KCNN2: variants seen among roughly 807,000 people sequenced by gnomAD.
KCNN2 encodes the protein potassium calcium-activated channel subfamily N member 2.
KCNN2 carries 24 observed loss-of-function variants against 55.5 expected under a neutral mutation model. The observed-to-expected ratio is 0.43, with a 90% CI of 0.31 to 0.61. The LOEUF (loss-of-function observed/expected upper bound fraction) is 0.61, where lower values mean the gene tolerates loss of function less well. Among genes scored for constraint, KCNN2 ranks in the 20% least tolerant of loss-of-function variants. The probability of loss-of-function intolerance (pLI) is 0.08; values close to 1 mark genes in which losing one functional copy is unlikely to be tolerated. For synonymous variants in KCNN2, 431 were observed against 336.1 expected, an observed-to-expected ratio of 1.28 and a Z score of -3.09; for missense variants, 754 against 853.6, an observed-to-expected ratio of 0.88 and a Z score of 1.45.
rs569088671 is a variant in KCNN2, at chr5:114,263,521, C to T, written c.-185+41956C>T. The stretch of plus-strand genomic sequence containing the variant: ...TCTCTCTCCTTGCCACCCTATGGAT[C>T]GGATTGCCCCCTTCAGCCTGAGTTC... On this transcript the variant is annotated intron_variant, in intron 2 of 10. Coordinates refer to the KCNN2 transcript ENST00000512097. Among the ~76,000 whole-genome samples, 209 of 151,700 alleles carry T rather than the reference C, an allele frequency of 1.4e-3. 1 individual carries two copies. The highest frequency in any genetic ancestry group is 4.9e-3 in the African/African-American group (203 of 41,332).
At chr5:114,454,274 C>T (rs1760820769) in intron 3 of KCNN2, among the ~76,000 whole-genome samples, 1 of 152,122 alleles carries the variant, frequency 6.6e-6, no homozygotes, top group Non-Finnish European at 1.5e-5. Context: ...CTGTTTCCTC[C>T]CTTCCCTTCC....
intron 1 of KCNN2, among the ~76,000 whole-genome samples, chr5:114,154,454 AC>A (rs750698102): frequency 1.4e-4 from 22 of 152,140 alleles, no homozygotes; most frequent in Non-Finnish European, 2.6e-4. Context: ...CAGGATGGAA[AC>A]CAGAGACCTC....
intron 2 of KCNN2, among the ~76,000 whole-genome samples, chr5:114,356,065 T>A (rs1757288934): frequency 6.6e-6 from 1 of 152,092 alleles, no homozygotes; most frequent in Admixed American, 6.5e-5. Flanking sequence ...TTTCTACTAA[T>A]GAGAGGCGAC....
At position 114,473,177 on chromosome 5, in the gene KCNN2, CCATATATCTTCAAAGAGAATA is replaced by C; in HGVS notation, c.1890+14_1890+34del. ...GCTGACTAAAAGAGTAAGTTACTAT[CCATATATCTTCAAAGAGAATA>C]TTATTGTGATTTTTTCAGTGTTAGG... On this transcript the variant is annotated intron_variant, in intron 5 of 7. Transcript: ENST00000673685. The C allele has an allele frequency of 4.2e-6, 6 of 1,414,920 alleles. No individual in the cohort carries two copies. Among genetic ancestry groups the C allele is most frequent in the Non-Finnish European group, 6.0e-6 (6 of 1,003,356 alleles). The allele number at this position is 1,414,920 out of a possible 1,614,324, so 87.6% of individuals were successfully genotyped here.
At chr5:114,269,206 A>T (rs1486356864) in intron 2 of KCNN2, among the ~76,000 whole-genome samples, 2 of 152,166 alleles carry the variant, frequency 1.3e-5, no homozygotes, top group African/African-American at 2.4e-5. Flanking sequence ...TCAAATACAC[A>T]GTTTCCTACT....
intron 1 of KCNN2, among the ~76,000 whole-genome samples, chr5:114,126,348 G>A (rs1426150801): frequency 1.3e-5 from 2 of 152,050 alleles, no homozygotes; most frequent in African/African-American, 4.8e-5. Context: ...TGGCTGGGGA[G>A]GCCTCAGGAA....
At chr5:114,234,020 C>T (rs188109717) in intron 2 of KCNN2, among the ~76,000 whole-genome samples, 64 of 150,066 alleles carry the variant, frequency 4.3e-4, no homozygotes, top group Non-Finnish European at 7.7e-4. Context: ...TTTAACTTGG[C>T]TCTAGCTTTT....
chr5:114,133,462 C>G (rs1752110329), intron 1 of KCNN2, among the ~76,000 whole-genome samples: 1 of 152,076 alleles, frequency 6.6e-6, no homozygotes, highest in Admixed American at 6.6e-5. Context: ...GTTTGGGGAA[C>G]AAAAAGTCAG....
intron 1 of KCNN2, among the ~76,000 whole-genome samples, chr5:114,147,199 G>A (rs149977126): frequency 0.031 from 4,703 of 152,224 alleles, 254 homozygotes; most frequent in African/African-American, 0.11. Flanking sequence ...GGTGATGAAC[G>A]AGTAAGTTTT....
At chr5:114,281,487 T>G (rs926501306) in intron 2 of KCNN2, among the ~76,000 whole-genome samples, 1 of 152,084 alleles carries the variant, frequency 6.6e-6, no homozygotes, top group Admixed American at 6.6e-5. Flanking sequence ...TCCAAGACAT[T>G]TATATTAAGA....
chr5:114,265,395 T>C (rs1755190332), intron 2 of KCNN2, among the ~76,000 whole-genome samples: 1 of 151,534 alleles, frequency 6.6e-6, no homozygotes, highest in Admixed American at 6.6e-5. Flanking sequence ...AGAAATTGAC[T>C]CATGTGATTA....
At chr5:114,079,291 TAGTC>T (rs1260828150) in intron 1 of KCNN2, among the ~76,000 whole-genome samples, 1 of 152,148 alleles carries the variant, frequency 6.6e-6, no homozygotes, top group Non-Finnish European at 1.5e-5. Context: ...AATCCAAAGT[TAGTC>T]ATTCAAAAAC....
At chr5:114,491,068 G>A (rs1050284224) in intron 6 of KCNN2, among the ~76,000 whole-genome samples, 14 of 152,160 alleles carry the variant, frequency 9.2e-5, no homozygotes, top group African/African-American at 3.4e-4. Context: ...GCTACTGTAT[G>A]TCAGCTTTCC....
chr5:114,417,067 T>C (rs1458337793), intron 3 of KCNN2, among the ~76,000 whole-genome samples: 1 of 152,246 alleles, frequency 6.6e-6, no homozygotes, highest in Non-Finnish European at 1.5e-5. Flanking sequence ...TGGTATTATT[T>C]GGAATAATAC....
chr5:114,272,882 T>C (rs1332396218), intron 2 of KCNN2, among the ~76,000 whole-genome samples: 1 of 152,104 alleles, frequency 6.6e-6, no homozygotes, highest in Non-Finnish European at 1.5e-5. Flanking sequence ...CATTTGTTCT[T>C]TTTTTTAAAT....
At chr5:114,132,632 G>GTTATTAT (rs1752095374) in intron 1 of KCNN2, among the ~76,000 whole-genome samples, 1 of 152,056 alleles carries the variant, frequency 6.6e-6, no homozygotes, top group African/African-American at 2.4e-5. Context: ...GACTCTAATG[G>GTTATTAT]TTCATTATTA....
chr5:114,163,323 C>G (rs1392000163), intron 1 of KCNN2, among the ~76,000 whole-genome samples: 1 of 152,136 alleles, frequency 6.6e-6, no homozygotes, highest in Non-Finnish European at 1.5e-5. Flanking sequence ...ACTTCCAATA[C>G]TATGTTGAAT....
In KCNN2 at chr5:114,143,530, T is replaced by C. The variant is rs1258935095; in HGVS notation, c.-270-77950T>C. ...CGTTTATAGCCCTGTCTTATCCCTA[T>C]GAACAGGTGCCCCTCGTGCGTCCAT... is the stretch of plus-strand genomic sequence containing the variant. On this transcript the variant is annotated intron_variant, in intron 1 of 10. Transcript: ENST00000512097. 2.6e-5 allele frequency among the ~76,000 whole-genome samples: 4 copies of C among 152,276 alleles called. No individual in the cohort carries two copies. In the South Asian group the frequency reaches 8.3e-4, roughly 32 times the overall value.
rs961978017 is a variant in KCNN2, at chr5:114,427,547, G to A, written c.1637+22691G>A. Among the ~76,000 whole-genome samples the A allele has an allele frequency of 3.3e-5, 5 of 152,226 alleles. No individual in the cohort carries two copies. The South Asian group carries it at 8.3e-4, about 25-fold the overall frequency. ...TCCTATTATGTTAATATTGGTCCCA[G>A]TGTTTATAGAATTTGTACTCTGGAG... On this transcript the variant is annotated intron_variant, in intron 3 of 7. Transcript: ENST00000673685.
Sources: gnomAD v4.1 joint callset for allele counts (sites outside exome capture counted in the v4.1 genomes callset) on GRCh38, gnomAD v4.1.1 for gene constraint, MANE v1.5 for transcripts, NCBI Gene and HGNC (gene_info 2026-07-23, HGNC 2026-07-21) for gene names.